Variants in NR2F1-AS1 observed in about 807,000 individuals in gnomAD.
NR2F1-AS1 encodes NR2F1 antisense RNA 1.
At chr5:93,507,798 C>G (rs977345185) in intron 4 of NR2F1-AS1, among the ~76,000 whole-genome samples, 1 of 152,104 alleles carries the variant, frequency 6.6e-6, no homozygotes, top group South Asian at 2.1e-4. Context: ...GGAATAAGAT[C>G]AATATACAAA....
intron 4 of NR2F1-AS1, among the ~76,000 whole-genome samples, chr5:93,466,966 T>A: frequency 7.8e-6 from 1 of 128,412 alleles, no homozygotes; most frequent in Non-Finnish European, 1.6e-5. Context: ...AGTGGCACAA[T>A]CTCAGCTCTC....
chr5:93,424,816 T>C (rs1310393431), intron 4 of NR2F1-AS1, among the ~76,000 whole-genome samples: 2 of 152,286 alleles, frequency 1.3e-5, no homozygotes, highest in East Asian at 1.9e-4. Flanking sequence ...TAAATTTCAG[T>C]ATAAAACTCG....
intron 4 of NR2F1-AS1, among the ~76,000 whole-genome samples, chr5:93,523,457 T>G (rs1281605888): frequency 6.6e-6 from 1 of 152,210 alleles, no homozygotes; most frequent in Non-Finnish European, 1.5e-5. Context: ...CTGCCGGCTC[T>G]GAAGAGAGCA....
intron 4 of NR2F1-AS1, among the ~76,000 whole-genome samples, chr5:93,463,376 A>C (rs1750143028): frequency 1.3e-5 from 2 of 152,230 alleles, no homozygotes; most frequent in Non-Finnish European, 2.9e-5. Context: ...ATGTGTGGAA[A>C]TGCCCGGATG....
intron 4 of NR2F1-AS1, among the ~76,000 whole-genome samples, chr5:93,427,256 T>C (rs1246930656): frequency 2.6e-5 from 4 of 152,158 alleles, no homozygotes; most frequent in African/African-American, 9.7e-5. Context: ...ATATTGCCAT[T>C]GAAATCAAAA....
At chr5:93,505,414 T>C (rs1284837514) in intron 4 of NR2F1-AS1, among the ~76,000 whole-genome samples, 1 of 152,188 alleles carries the variant, frequency 6.6e-6, no homozygotes. Context: ...ACAGCTCCAC[T>C]AGGAAATGCC....
intron 4 of NR2F1-AS1, among the ~76,000 whole-genome samples, chr5:93,490,150 T>C (rs1201158986): frequency 6.6e-6 from 1 of 151,960 alleles, no homozygotes; most frequent in African/African-American, 2.4e-5. Context: ...GTTATAAAGA[T>C]GATTCTAGCT....
intron 4 of NR2F1-AS1, among the ~76,000 whole-genome samples, chr5:93,517,015 T>G (rs1751412147): frequency 6.6e-6 from 1 of 151,996 alleles, no homozygotes; most frequent in South Asian, 2.1e-4. Context: ...ATATAGTTTT[T>G]ATTGAAGAAT....
intron 2 of NR2F1-AS1, among the ~76,000 whole-genome samples, chr5:93,561,968 A>T (rs2149920052): frequency 6.6e-6 from 1 of 152,156 alleles, no homozygotes; most frequent in South Asian, 2.1e-4. Flanking sequence ...TTGCAAGGAG[A>T]TAACTAAATT....
At chr5:93,516,150 G>A (rs1169027668) in intron 4 of NR2F1-AS1, among the ~76,000 whole-genome samples, 1 of 151,862 alleles carries the variant, frequency 6.6e-6, no homozygotes, top group Non-Finnish European at 1.5e-5. Flanking sequence ...GACAAAATGT[G>A]TATGTGCATT....
In NR2F1-AS1 at chr5:93,435,825, G is replaced by A. The variant is rs144398573; in HGVS notation, n.639-40283C>T. On this transcript the variant is annotated intron_variant and non_coding_transcript_variant, in intron 4 of 5. Coordinates refer to ENST00000660523, the Ensembl canonical transcript of NR2F1-AS1. ...AAGACAATTGGTTTAACCCATCAAT[G>A]GTTAAGTCACAAACATGGCATTAAC... 3.1e-3 allele frequency among the ~76,000 whole-genome samples: 474 copies of A among 152,234 alleles called. 1 individual carries two copies. The highest frequency in any genetic ancestry group is 0.011 in the African/African-American group (452 of 41,534).
At chr5:93,516,134 C>A (rs1751396736) in intron 4 of NR2F1-AS1, among the ~76,000 whole-genome samples, 1 of 151,874 alleles carries the variant, frequency 6.6e-6, no homozygotes, top group African/African-American at 2.4e-5. Flanking sequence ...TATTTTTCAA[C>A]ATCCAGACAA....
At chr5:93,534,699 C>T (rs1280568225) in intron 4 of NR2F1-AS1, among the ~76,000 whole-genome samples, 4 of 152,126 alleles carry the variant, frequency 2.6e-5, no homozygotes, top group African/African-American at 9.7e-5. Flanking sequence ...TATCCTATGA[C>T]CCTGCCAGGC....
chr5:93,581,747 TC>T (rs1753062475), upstream of NR2F1-AS1, among the ~76,000 whole-genome samples: 1 of 27,560 alleles, frequency 3.6e-5, no homozygotes, highest in African/African-American at 1.6e-4. Context: ...CCTCTCCCTC[TC>T]CCTCTCCCTC....
chr5:93,502,086 T>C (rs1035077395), intron 4 of NR2F1-AS1, among the ~76,000 whole-genome samples: 4 of 152,226 alleles, frequency 2.6e-5, no homozygotes, highest in African/African-American at 9.6e-5. Context: ...AATTAAAGTA[T>C]GTAAACTGTT....
chr5:93,482,555 G>GT (rs1332179095), intron 4 of NR2F1-AS1, among the ~76,000 whole-genome samples: 71 of 149,242 alleles, frequency 4.8e-4, no homozygotes, highest in Admixed American at 7.3e-4. Flanking sequence ...AACTACAGGA[G>GT]TTTTTTTTTT....
chr5:93,414,302 T>C (rs914787298), intron 4 of NR2F1-AS1, among the ~76,000 whole-genome samples: 23 of 152,198 alleles, frequency 1.5e-4, no homozygotes, highest in African/African-American at 5.3e-4. Flanking sequence ...ACTGTCCACA[T>C]CTTTTTATTG....
intron 4 of NR2F1-AS1, among the ~76,000 whole-genome samples, chr5:93,479,416 C>T (rs1047068450): frequency 6.6e-6 from 1 of 152,112 alleles, no homozygotes; most frequent in Admixed American, 6.5e-5. Flanking sequence ...GCTGACTGAC[C>T]ATGAAGATAA....
chr5:93,549,219 C>T (rs930097169), intron 4 of NR2F1-AS1, among the ~76,000 whole-genome samples: 2 of 152,032 alleles, frequency 1.3e-5, no homozygotes, highest in African/African-American at 2.4e-5. Flanking sequence ...TAAAAAATTG[C>T]CATGTTTATA....
Sources: gnomAD v4.1 joint callset for allele counts (sites outside exome capture counted in the v4.1 genomes callset) on GRCh38, gnomAD v4.1.1 for gene constraint, MANE v1.5 for transcripts, NCBI Gene and HGNC (gene_info 2026-07-23, HGNC 2026-07-21) for gene names.